SPAG16: variants seen among roughly 807,000 people sequenced by gnomAD.
The protein encoded by SPAG16 is sperm-associated antigen 16 protein.
A neutral mutation model predicts 80.4 loss-of-function variants in SPAG16; 86 were observed. The observed-to-expected ratio is 1.07, with a 90% CI of 0.90 to 1.28. SPAG16 has a LOEUF of 1.28. Among genes scored for constraint, SPAG16 ranks in the 50% most tolerant of loss-of-function variants. The pLI, the probability that SPAG16 is intolerant of heterozygous loss-of-function variation, is 0.00. For synonymous variants in SPAG16, 294 were observed against 265.9 expected (o/e 1.11, Z -1.03); for missense variants, 870 against 765.3 (o/e 1.14, Z -1.61).
intron 10 of SPAG16, among the ~76,000 whole-genome samples, chr2:213,731,000 T>A (rs1253557262): frequency 6.6e-6 from 1 of 152,096 alleles, no homozygotes; most frequent in Non-Finnish European, 1.5e-5. Context: ...CATTTTTTTA[T>A]TTTTTTATGG....
intron 14 of SPAG16, among the ~76,000 whole-genome samples, chr2:214,128,896 T>A (rs1417912228): frequency 1.3e-5 from 2 of 151,906 alleles, no homozygotes; most frequent in East Asian, 3.9e-4. Context: ...AAACTAGGGC[T>A]AATTACTTCC....
At chr2:213,585,101 A>G (rs935328739) in intron 10 of SPAG16, among the ~76,000 whole-genome samples, 49 of 150,664 alleles carry the variant, frequency 3.3e-4, no homozygotes, top group African/African-American at 1.1e-3. Flanking sequence ...AGGAAGGAGA[A>G]TTGCTTGAAC....
At chr2:214,339,809 G>A (rs1446525839) in intron 15 of SPAG16, among the ~76,000 whole-genome samples, 3 of 152,162 alleles carry the variant, frequency 2.0e-5, no homozygotes, top group South Asian at 2.1e-4. Flanking sequence ...CTCTTGATTC[G>A]GTTATGTTAC....
chr2:214,161,206 T>A (rs932287428), intron 15 of SPAG16, among the ~76,000 whole-genome samples: 1 of 152,152 alleles, frequency 6.6e-6, no homozygotes, highest in African/African-American at 2.4e-5. Flanking sequence ...CTATTATTGA[T>A]GGGCAATTAG....
At chr2:213,718,608 C>T (rs987708754) in intron 10 of SPAG16, among the ~76,000 whole-genome samples, 29 of 152,268 alleles carry the variant, frequency 1.9e-4, no homozygotes, top group Middle Eastern at 6.8e-3. Flanking sequence ...CCTGCTGGCC[C>T]GGGGCAATGG....
chr2:213,497,098 A>G (rs2074526853), intron 10 of SPAG16, among the ~76,000 whole-genome samples: 1 of 151,982 alleles, frequency 6.6e-6, no homozygotes, highest in African/African-American at 2.4e-5. Context: ...AATTTAAAAT[A>G]TTTTCTATAA....
At chr2:213,802,995 A>T (rs747821474) in intron 10 of SPAG16, among the ~76,000 whole-genome samples, 38 of 152,276 alleles carry the variant, frequency 2.5e-4, no homozygotes, top group Non-Finnish European at 4.3e-4. Context: ...ATTATACTTC[A>T]GGGCAGTGTA....
chr2:214,131,626 TA>T (rs11463113), intron 14 of SPAG16, among the ~76,000 whole-genome samples: 19 of 149,934 alleles, frequency 1.3e-4, no homozygotes, highest in African/African-American at 2.5e-4. Context: ...ACTCGGGACT[TA>T]AAAAAAAAAT....
chr2:214,247,619 C>T (rs1273993536), intron 15 of SPAG16, among the ~76,000 whole-genome samples: 4 of 152,202 alleles, frequency 2.6e-5, no homozygotes, highest in Non-Finnish European at 4.4e-5. Context: ...GCTTCTTCTA[C>T]TCCAAGGTCA....
At chr2:213,451,396 G>C (rs978819954) in intron 9 of SPAG16, among the ~76,000 whole-genome samples, 4 of 151,982 alleles carry the variant, frequency 2.6e-5, no homozygotes, top group Admixed American at 2.0e-4. Flanking sequence ...TGAAATCCAG[G>C]TATGTTCAGC....
chr2:213,832,032 T>C (rs1161949431), intron 10 of SPAG16, among the ~76,000 whole-genome samples: 1 of 152,144 alleles, frequency 6.6e-6, no homozygotes, highest in Non-Finnish European at 1.5e-5. Flanking sequence ...GCACTCACTC[T>C]GTCACCCAGG....
chr2:214,254,698 C>T (rs749177340), intron 15 of SPAG16, among the ~76,000 whole-genome samples: 3 of 151,810 alleles, frequency 2.0e-5, no homozygotes, highest in South Asian at 2.1e-4. Flanking sequence ...TTTGAGAAAA[C>T]GATGTAAAAC....
intron 10 of SPAG16, among the ~76,000 whole-genome samples, chr2:213,781,703 T>C (rs2069984981): frequency 6.6e-6 from 1 of 152,200 alleles, no homozygotes; most frequent in Non-Finnish European, 1.5e-5. Flanking sequence ...GGGTAAATTT[T>C]CTAGAACTTC....
intron 10 of SPAG16, among the ~76,000 whole-genome samples, chr2:213,561,761 T>G (rs924905625): frequency 6.6e-6 from 1 of 152,220 alleles, no homozygotes; most frequent in Non-Finnish European, 1.5e-5. Flanking sequence ...GCCTTTATTT[T>G]TATTATTTTT....
chr2:213,825,454 A>G lies in SPAG16; in HGVS notation c.1071-37031A>G, dbSNP rs180752650. Among the ~76,000 whole-genome samples the G allele has an allele frequency of 9.7e-4, 147 of 152,186 alleles. 1 individual carries two copies. Among genetic ancestry groups the G allele is most frequent in the African/African-American group, 3.4e-3 (140 of 41,552 alleles). ...ATGAAGAGATGTTGAATTTTATCAA[A>G]TACTTTTTCAGCATCAATTGAAATG... On this transcript the variant is annotated intron_variant, in intron 10 of 15. Coordinates refer to ENST00000331683, the MANE Select transcript of SPAG16 (RefSeq NM_024532.5).
chr2:213,405,325 T>C (rs1430425742), intron 9 of SPAG16, among the ~76,000 whole-genome samples: 4 of 152,180 alleles, frequency 2.6e-5, no homozygotes, highest in Non-Finnish European at 5.9e-5. Context: ...TTATAACAAT[T>C]TTTAAAATTT....
chr2:214,260,463 T>G (rs1691060684), intron 15 of SPAG16, among the ~76,000 whole-genome samples: 1 of 152,180 alleles, frequency 6.6e-6, no homozygotes, highest in South Asian at 2.1e-4. Flanking sequence ...TTCCACATGC[T>G]ACTGTGTTAT....
At chr2:213,771,550 TG>T (rs1422522594) in intron 10 of SPAG16, among the ~76,000 whole-genome samples, 1 of 152,194 alleles carries the variant, frequency 6.6e-6, no homozygotes, top group Non-Finnish European at 1.5e-5. Flanking sequence ...TGAAAGGTAT[TG>T]CCTAGATTTT....
intron 10 of SPAG16, among the ~76,000 whole-genome samples, chr2:213,677,320 G>A (rs1227333164): frequency 6.6e-6 from 1 of 152,072 alleles, no homozygotes; most frequent in Non-Finnish European, 1.5e-5. Flanking sequence ...GACACAGACT[G>A]GTAAATTGGA....
Sources: gnomAD v4.1 joint callset for allele counts (sites outside exome capture counted in the v4.1 genomes callset) on GRCh38, gnomAD v4.1.1 for gene constraint, MANE v1.5 for transcripts, NCBI Gene and HGNC (gene_info 2026-07-23, HGNC 2026-07-21) for gene names.